The following PCSK5 variants were observed in gnomAD, a reference collection of about 807,000 sequenced individuals.
The protein encoded by PCSK5 is proprotein convertase subtilisin/kexin type 5, also known as prohormone convertase 5.
In PCSK5, 129 loss-of-function variants were observed where a neutral mutation model predicts 233.2. That is an observed-to-expected ratio of 0.55 (90% CI 0.48 to 0.64). The LOEUF (loss-of-function observed/expected upper bound fraction) is 0.64, where lower values mean the gene tolerates loss of function less well. Ranked by LOEUF, PCSK5 falls within the 30% of genes least tolerant of loss-of-function variation. PCSK5 has a pLI of 0.00. For synonymous variants in PCSK5, 825 were observed against 879.2 expected, an observed-to-expected ratio of 0.94 and a Z score of 1.09; for missense variants, 2,076 against 2,430.1, an observed-to-expected ratio of 0.85 and a Z score of 3.06.
At chr9:76,299,279 G>T (rs1828534829) in intron 27 of PCSK5, among the ~76,000 whole-genome samples, 1 of 152,176 alleles carries the variant, frequency 6.6e-6, no homozygotes, top group South Asian at 2.1e-4. Context: ...CCACCAAAAA[G>T]TCACTGCACA....
At chr9:75,917,725 T>C (rs1044504742) in intron 1 of PCSK5, among the ~76,000 whole-genome samples, 1 of 152,250 alleles carries the variant, frequency 6.6e-6, no homozygotes, top group African/African-American at 2.4e-5. Context: ...ACTTTATTCA[T>C]CTTGCTTGTG....
At chr9:76,193,369 T>C in intron 20 of PCSK5, 1 of 1,605,732 alleles carries the variant, frequency 6.2e-7, no homozygotes, top group Non-Finnish European at 8.5e-7. Context: ...ATCTTAGATT[T>C]CTTTGTTCCT....
chr9:76,194,651 A>C (rs1169540591), intron 20 of PCSK5: 2 of 407,852 alleles, frequency 4.9e-6, no homozygotes, highest in Non-Finnish European at 9.9e-6. Context: ...TGACTCTCTA[A>C]ACACTTCATC....
At chr9:75,928,526 A>G (rs576209392) in intron 1 of PCSK5, among the ~76,000 whole-genome samples, 17 of 147,716 alleles carry the variant, frequency 1.2e-4, no homozygotes, top group Non-Finnish European at 2.2e-4. Flanking sequence ...AATATAAAAG[A>G]TAATTCTCTT....
In PCSK5 at chr9:76,328,229, C is replaced by T. The variant is rs376047756; in HGVS notation, c.4560C>T (p.Ser1520=). 1.9e-6 allele frequency: 3 copies of T among 1,610,342 alleles called. No individual in the cohort carries two copies. The highest frequency in any genetic ancestry group is 2.2e-5 in the East Asian group (1 of 44,866). Reference sequence around the variant, plus strand: ...AGTGTCAAACATGCCCCATGAACAGCCTTCTTCTCAGTGAGTTACTTCTCC... The same window carrying T: ...AGTGTCAAACATGCCCCATGAACAGTCTTCTTCTCAGTGAGTTACTTCTCC... ...EDQCQTCPMN[S]LLLNTTCVKD... is the part of the protein sequence containing the mutation. Residue 1520 remains serine, a synonymous_variant, in exon 33 of 38, where the codon AGC becomes AGT. Transcript: ENST00000674117.
At chr9:76,012,629 T>A (rs1827780315) in intron 3 of PCSK5, among the ~76,000 whole-genome samples, 1 of 152,240 alleles carries the variant, frequency 6.6e-6, no homozygotes, top group African/African-American at 2.4e-5. Flanking sequence ...TTGAGGTCAT[T>A]ATGTGTATTA....
At chr9:76,149,514 C>A (rs909571079) in intron 10 of PCSK5, among the ~76,000 whole-genome samples, 1 of 152,172 alleles carries the variant, frequency 6.6e-6, no homozygotes, top group African/African-American at 2.4e-5. Flanking sequence ...AAATAATCCA[C>A]AAATAGGAAT....
At chr9:76,160,792 A>G (rs565883641) in intron 12 of PCSK5, among the ~76,000 whole-genome samples, 74 of 150,600 alleles carry the variant, frequency 4.9e-4, no homozygotes, top group African/African-American at 1.8e-3. Context: ...CTTTTTTGAG[A>G]TGGAGTCTTG....
chr9:75,961,516 C>G (rs746230862), intron 2 of PCSK5, among the ~76,000 whole-genome samples: 4 of 152,204 alleles, frequency 2.6e-5, no homozygotes, highest in Non-Finnish European at 4.4e-5. Flanking sequence ...TTTAATTTCA[C>G]TTAATTAAAT....
chr9:76,338,391 T>C lies in PCSK5; in HGVS notation c.4910T>C (p.Val1637Ala), dbSNP rs1018741375. Residue 1637 changes from valine to alanine, a missense_variant, in exon 35 of 38, where the codon GTA becomes GCA. Val to Ala is a moderately conservative substitution (Grantham distance 64). Coordinates refer to ENST00000674117, the MANE Select transcript of PCSK5 (RefSeq NM_001372043.1). ...CGCTCCTGCCCAGACCATTACTATG[T>C]AGAGCAAAGCACACAGACCTGTGAG... ...CHRSCPDHYY[V>A]EQSTQTCERC... 1 of 1,612,584 alleles carries C rather than the reference T, an allele frequency of 6.2e-7. No homozygotes were observed. Among genetic ancestry groups the C allele is most frequent in the African/African-American group, 1.3e-5 (1 of 74,914 alleles).
chr9:76,095,019 GA>G (rs1309074337), intron 7 of PCSK5, among the ~76,000 whole-genome samples: 2 of 152,148 alleles, frequency 1.3e-5, no homozygotes, highest in Admixed American at 1.3e-4. Flanking sequence ...AATATGTTTG[GA>G]AAAATTATAT....
chr9:76,241,375 G>A (rs981843622), intron 24 of PCSK5, among the ~76,000 whole-genome samples: 1 of 152,232 alleles, frequency 6.6e-6, no homozygotes, highest in African/African-American at 2.4e-5. Context: ...CCAGGAGTCA[G>A]AGGTTGCAGT....
At chr9:76,115,383 A>G (rs71509855) in intron 9 of PCSK5, among the ~76,000 whole-genome samples, 1 of 152,164 alleles carries the variant, frequency 6.6e-6, no homozygotes, top group Non-Finnish European at 1.5e-5. Flanking sequence ...AATATTATTT[A>G]CATTATAAAT....
At chr9:76,319,285 C>T (rs896974816) in intron 30 of PCSK5, among the ~76,000 whole-genome samples, 7 of 151,896 alleles carry the variant, frequency 4.6e-5, no homozygotes, top group African/African-American at 1.7e-4. Flanking sequence ...CGGAGGATTA[C>T]CTAGGTGCCG....
chr9:75,963,827 C>T (rs150361408), intron 2 of PCSK5, among the ~76,000 whole-genome samples: 14 of 152,168 alleles, frequency 9.2e-5, no homozygotes, highest in Admixed American at 3.3e-4. Flanking sequence ...TGCAGTGAGC[C>T]GAAATCGTGC....
intron 5 of PCSK5, among the ~76,000 whole-genome samples, chr9:76,062,322 T>C (rs1444104931): frequency 6.6e-6 from 1 of 152,134 alleles, no homozygotes; most frequent in Non-Finnish European, 1.5e-5. Flanking sequence ...AATATCAAAT[T>C]TGGAAACATC....
chr9:76,294,710 ATAAG>A (rs1383135256), intron 25 of PCSK5, among the ~76,000 whole-genome samples: 1 of 152,032 alleles, frequency 6.6e-6, no homozygotes, highest in Admixed American at 6.6e-5. Flanking sequence ...TACTCTATAA[ATAAG>A]TATCAGTACC....
chr9:75,990,717 TC>T (rs746624582), intron 3 of PCSK5, among the ~76,000 whole-genome samples: 2 of 152,196 alleles, frequency 1.3e-5, no homozygotes, highest in Non-Finnish European at 2.9e-5. Flanking sequence ...GCTAAAAGTT[TC>T]TCTGGGATCA....
At chr9:76,205,210 C>A (rs746508982) in intron 20 of PCSK5, 2 of 518,998 alleles carry the variant, frequency 3.9e-6, no homozygotes, top group South Asian at 2.8e-5. Flanking sequence ...CCCTCACTGT[C>A]CCTTTCCGTA....
Sources: gnomAD v4.1 joint callset for allele counts (sites outside exome capture counted in the v4.1 genomes callset) on GRCh38, gnomAD v4.1.1 for gene constraint, MANE v1.5 for transcripts, NCBI Gene and HGNC (gene_info 2026-07-23, HGNC 2026-07-21) for gene names.